TLL1: variants seen among roughly 807,000 people sequenced by gnomAD.
TLL1 encodes tolloid like 1, also known as tolloid-like protein 1.
A neutral mutation model predicts 128.2 loss-of-function variants in TLL1; 49 were observed. The observed-to-expected ratio is 0.38, with a 90% CI of 0.30 to 0.48. The LOEUF (loss-of-function observed/expected upper bound fraction) is 0.48. Among genes scored for constraint, TLL1 ranks in the 20% least tolerant of loss-of-function variants. The probability of loss-of-function intolerance (pLI) is 0.96; values close to 1 mark genes in which losing one functional copy is unlikely to be tolerated. For synonymous variants in TLL1, 454 were observed against 418.8 expected, an observed-to-expected ratio of 1.08 and a Z score of -1.03; for missense variants, 1,123 against 1,242.0, an observed-to-expected ratio of 0.90 and a Z score of 1.44.
intron 18 of TLL1, among the ~76,000 whole-genome samples, chr4:166,082,104 G>A (rs897730109): frequency 8.5e-5 from 13 of 152,114 alleles, no homozygotes; most frequent in African/African-American, 2.9e-4. Flanking sequence ...TTTAGGAATT[G>A]GAGTTTGTGT....
At chr4:166,008,305 T>G (rs1737532632) in intron 7 of TLL1, among the ~76,000 whole-genome samples, 1 of 151,662 alleles carries the variant, frequency 6.6e-6, no homozygotes, top group African/African-American at 2.4e-5. Context: ...GCATAAATTA[T>G]GTAAACAATT....
intron 19 of TLL1, among the ~76,000 whole-genome samples, chr4:166,097,921 C>T (rs1345360120): frequency 6.6e-6 from 1 of 152,124 alleles, no homozygotes; most frequent in Admixed American, 6.6e-5. Flanking sequence ...ACTCTACTTT[C>T]TCCTGACACT....
intron 18 of TLL1, among the ~76,000 whole-genome samples, chr4:166,084,966 T>A (rs1407363974): frequency 6.6e-6 from 1 of 152,046 alleles, no homozygotes; most frequent in Non-Finnish European, 1.5e-5. Context: ...TTCATCAATG[T>A]TTTATAGTTT....
chr4:166,007,346 A>C (rs970848699), intron 6 of TLL1, among the ~76,000 whole-genome samples: 10 of 151,896 alleles, frequency 6.6e-5, no homozygotes, highest in African/African-American at 2.4e-4. Context: ...GTTCTTCTTA[A>C]TCTCAAAGGA....
intron 1 of TLL1, among the ~76,000 whole-genome samples, chr4:165,959,590 G>A (rs1187864804): frequency 1.3e-5 from 2 of 151,958 alleles, no homozygotes; most frequent in Non-Finnish European, 2.9e-5. Flanking sequence ...CACATGCTTG[G>A]CCATAAAACA....
intron 1 of TLL1, among the ~76,000 whole-genome samples, chr4:165,909,142 G>A (rs1462432900): frequency 3.3e-5 from 5 of 152,096 alleles, no homozygotes; most frequent in South Asian, 2.1e-4. Context: ...AGCAGAGATC[G>A]TGCCACTGCA....
intron 5 of TLL1, among the ~76,000 whole-genome samples, chr4:165,996,556 G>T (rs895208980): frequency 6.6e-6 from 1 of 152,006 alleles, no homozygotes; most frequent in Admixed American, 6.6e-5. Flanking sequence ...CCGAGATTAC[G>T]CCACTGCACT....
At chr4:166,041,066 T>C (rs1739214928) in intron 10 of TLL1, among the ~76,000 whole-genome samples, 1 of 152,240 alleles carries the variant, frequency 6.6e-6, no homozygotes, top group African/African-American at 2.4e-5. Context: ...CTGTAATTCA[T>C]ATTTCTGGAT....
In TLL1 at chr4:166,048,471, G is replaced by A. The variant is rs1739565355; in HGVS notation, c.1524+5052G>A. 3.3e-5 allele frequency among the ~76,000 whole-genome samples: 5 copies of A among 152,178 alleles called. No homozygotes were observed. In the South Asian group the frequency reaches 1.0e-3, roughly 32 times the overall value. ...AATACAGGAAGTTTTCTCTCCTCTG[G>A]TAGTTATTGGATACATTATTTTTTA... On this transcript the variant is annotated intron_variant, in intron 12 of 20. Coordinates refer to ENST00000061240, the MANE Select transcript of TLL1 (RefSeq NM_012464.5).
rs775028588 is a variant in TLL1 at position 166,007,971 on chromosome 4, G to T, written c.840G>T (p.Glu280Asp). ...PGQEYNFLKM[E>D]PGEVNSLGER... ...AAGAGTACAATTTTCTGAAGATGGAGCCTGGAGAAGTAAACTCACTTGGAG... is the reference window on the plus strand; with the variant it reads ...AAGAGTACAATTTTCTGAAGATGGATCCTGGAGAAGTAAACTCACTTGGAG... Residue 280 changes from glutamate to aspartate, a missense_variant, in exon 7 of 21, where the codon GAG becomes GAT. Around this residue, in one of 3 missense-constraint regions of TLL1, gnomAD observed 480 missense variants for 542.4 expected, o/e 0.89. Coordinates refer to ENST00000061240, the MANE Select transcript of TLL1 (RefSeq NM_012464.5). 7 of 1,609,588 alleles carry T rather than the reference G, an allele frequency of 4.3e-6. No homozygotes were observed. The highest frequency in any genetic ancestry group is 1.3e-5 in the African/African-American group (1 of 74,784).
chr4:165,926,646 A>G (rs2110897589), intron 1 of TLL1, among the ~76,000 whole-genome samples: 1 of 152,250 alleles, frequency 6.6e-6, no homozygotes, highest in African/African-American at 2.4e-5. Context: ...GCTGTCTTGG[A>G]CATCAAAGCT....
At chr4:166,073,496 T>C (rs887668766) in intron 16 of TLL1, among the ~76,000 whole-genome samples, 1 of 152,192 alleles carries the variant, frequency 6.6e-6, no homozygotes, top group Non-Finnish European at 1.5e-5. Context: ...GCTTTCATTT[T>C]GTTTTGCTTT....
intron 19 of TLL1, among the ~76,000 whole-genome samples, chr4:166,094,765 A>T (rs1315864734): frequency 1.3e-5 from 2 of 152,024 alleles, no homozygotes; most frequent in African/African-American, 2.4e-5. Context: ...GTTACTTTCT[A>T]GTAGTCATAC....
At chr4:165,957,700 TC>T (rs1325714847) in intron 1 of TLL1, among the ~76,000 whole-genome samples, 5 of 147,106 alleles carry the variant, frequency 3.4e-5, no homozygotes, top group Admixed American at 2.0e-4. Context: ...ATTGGATCAT[TC>T]TTTTTTTTTT....
chr4:166,004,387 C>T (rs535956558), intron 6 of TLL1, among the ~76,000 whole-genome samples: 42 of 152,012 alleles, frequency 2.8e-4, no homozygotes, highest in Non-Finnish European at 5.6e-4. Flanking sequence ...TCTTTATTTG[C>T]TCATTATATA....
At chr4:165,970,171 A>G (rs1001008324) in intron 1 of TLL1, among the ~76,000 whole-genome samples, 2 of 152,096 alleles carry the variant, frequency 1.3e-5, no homozygotes, top group African/African-American at 4.8e-5. Context: ...TTGTCTGTTA[A>G]TGTTTATAAT....
intron 12 of TLL1, 106 bp downstream of exon 12, chr4:166,043,525 A>T: frequency 6.5e-7 from 1 of 1,530,380 alleles, no homozygotes. Context: ...TCAGCCTTTT[A>T]ATCAGCAAAG....
At chr4:166,023,491 T>G (rs1738339817) in intron 8 of TLL1, among the ~76,000 whole-genome samples, 1 of 152,200 alleles carries the variant, frequency 6.6e-6, no homozygotes, top group Admixed American at 6.5e-5. Context: ...TAGTGCCCAC[T>G]TTTTTGTTTT....
intron 18 of TLL1, among the ~76,000 whole-genome samples, 179 bp from the exon 19 acceptor site, chr4:166,090,949 G>A (rs1741742379): frequency 6.8e-6 from 1 of 146,002 alleles, no homozygotes; most frequent in Non-Finnish European, 1.5e-5. Flanking sequence ...TTTCCTCATT[G>A]TGTCTTTTTA....
Sources: gnomAD v4.1 joint callset for allele counts (sites outside exome capture counted in the v4.1 genomes callset) on GRCh38, gnomAD v4.1.1 for gene constraint, gnomAD v4.1.1 regional missense constraint, MANE v1.5 for transcripts, NCBI Gene and HGNC (gene_info 2026-07-23, HGNC 2026-07-21) for gene names.